Variants in NXPH1 observed in about 807,000 individuals in gnomAD.
NXPH1 encodes the protein neurexophilin-1.
Under a neutral mutation model 23.7 loss-of-function variants are expected in NXPH1, and 5 were observed. The ratio of observed to expected loss-of-function variants is 0.21; its 90% CI spans 0.11 to 0.44. NXPH1 has a LOEUF of 0.44. Among genes scored for constraint, NXPH1 ranks in the 20% least tolerant of loss-of-function variants. The pLI is 0.99. For synonymous variants in NXPH1, 144 were observed against 122.2 expected, an observed-to-expected ratio of 1.18 and a Z score of -1.18; for missense variants, 324 against 321.6, an observed-to-expected ratio of 1.01 and a Z score of -0.06.
At chr7:8,561,252 C>T (rs552160665) in intron 2 of NXPH1, among the ~76,000 whole-genome samples, 54 of 151,276 alleles carry the variant, frequency 3.6e-4, no homozygotes, top group Non-Finnish European at 6.2e-4. Context: ...GAGGGAGAAC[C>T]GCTCACAACT....
intron 2 of NXPH1, among the ~76,000 whole-genome samples, chr7:8,651,054 G>C (rs1362655573): frequency 2.4e-4 from 35 of 148,438 alleles, no homozygotes; most frequent in South Asian, 4.3e-4. Flanking sequence ...CATGTGCCAT[G>C]CTGGTGCGCT....
intron 2 of NXPH1, among the ~76,000 whole-genome samples, chr7:8,461,798 C>G (rs1356007067): frequency 5.1e-5 from 7 of 138,000 alleles, no homozygotes; most frequent in Admixed American, 1.5e-4. Context: ...CCACTGCAGT[C>G]CGCAGTCCGG....
At position 8,688,247 on chromosome 7, in the gene NXPH1, T is replaced by G. The variant is rs150036564; in HGVS notation, c.55-62761T>G. On this transcript the variant is annotated intron_variant, in intron 2 of 2. Coordinates refer to ENST00000405863, the MANE Select transcript of NXPH1 (RefSeq NM_152745.3). Reference sequence around the variant, plus strand: ...TAGGTAAGACTCATTATTCAGAAACTTGATAAACAGAAATATAAACTTTTT... The same window carrying G: ...TAGGTAAGACTCATTATTCAGAAACGTGATAAACAGAAATATAAACTTTTT... Among the ~76,000 whole-genome samples the G allele has an allele frequency of 5.2e-3, 791 of 152,230 alleles. 9 individuals are homozygous for G. The highest frequency in any genetic ancestry group is 0.018 in the African/African-American group (754 of 41,552).
intron 2 of NXPH1, among the ~76,000 whole-genome samples, chr7:8,702,039 GA>G (rs57766744): frequency 0.012 from 1,752 of 142,716 alleles, 21 homozygotes; most frequent in African/African-American, 0.036. Context: ...CCCAATTAAA[GA>G]AAAAAAAAAA....
At chr7:8,602,444 G>T (rs1819382496) in intron 2 of NXPH1, among the ~76,000 whole-genome samples, 1 of 152,110 alleles carries the variant, frequency 6.6e-6, no homozygotes. Context: ...TCTGACATAT[G>T]AATAGGTGCA....
chr7:8,493,076 T>C (rs73675730), intron 2 of NXPH1, among the ~76,000 whole-genome samples: 5,960 of 152,098 alleles, frequency 0.039, 368 homozygotes, highest in African/African-American at 0.13. Flanking sequence ...ATGTGATGAA[T>C]AATCCACTCT....
chr7:8,507,607 C>T lies in NXPH1; in HGVS notation c.54+71840C>T, dbSNP rs562177329. 7.2e-5 allele frequency among the ~76,000 whole-genome samples: 11 copies of T among 152,214 alleles called. No individual in the cohort carries two copies. In the East Asian group the frequency reaches 2.1e-3, roughly 30 times the overall value. ...AGGATTTTACCGTATTACATAGGTG[C>T]ACATGTTTCATAATCTTCTAAGTTT... On this transcript the variant is annotated intron_variant, in intron 2 of 2. Coordinates refer to ENST00000405863, the MANE Select transcript of NXPH1 (RefSeq NM_152745.3).
intron 2 of NXPH1, among the ~76,000 whole-genome samples, chr7:8,512,512 T>C (rs541354647): frequency 9.2e-5 from 14 of 152,102 alleles, no homozygotes; most frequent in Non-Finnish European, 1.8e-4. Context: ...AGGGGATATT[T>C]GAGAGGGTGA....
intron 2 of NXPH1, among the ~76,000 whole-genome samples, chr7:8,748,415 C>T (rs912110773): frequency 6.6e-6 from 1 of 152,224 alleles, no homozygotes; most frequent in Non-Finnish European, 1.5e-5. Flanking sequence ...CCCAAGACCA[C>T]TAATGGCCGT....
chr7:8,520,114 G>GA (rs543940248), intron 2 of NXPH1, among the ~76,000 whole-genome samples: 37 of 152,146 alleles, frequency 2.4e-4, no homozygotes, highest in African/African-American at 6.3e-4. Flanking sequence ...AATACGGATT[G>GA]AAAAAAACTC....
chr7:8,716,011 T>G (rs1779873102), intron 2 of NXPH1, among the ~76,000 whole-genome samples: 1 of 152,100 alleles, frequency 6.6e-6, no homozygotes, highest in Admixed American at 6.6e-5. Flanking sequence ...ATATGTATAT[T>G]TACAATGGTG....
intron 2 of NXPH1, among the ~76,000 whole-genome samples, chr7:8,545,611 T>G (rs1214097556): frequency 6.6e-6 from 1 of 151,528 alleles, no homozygotes; most frequent in Non-Finnish European, 1.5e-5. Flanking sequence ...AAATACTGTA[T>G]TTGCTCTTAG....
intron 2 of NXPH1, among the ~76,000 whole-genome samples, chr7:8,565,836 TG>T (rs1818535947): frequency 1.3e-5 from 2 of 151,826 alleles, no homozygotes; most frequent in Non-Finnish European, 2.9e-5. Context: ...CTATGATTCC[TG>T]GTGAATTTTA....
chr7:8,667,680 T>C (rs1820794913), intron 2 of NXPH1, among the ~76,000 whole-genome samples: 1 of 152,154 alleles, frequency 6.6e-6, no homozygotes, highest in South Asian at 2.1e-4. Context: ...TTATTTAGAT[T>C]GAATCTAATT....
intron 2 of NXPH1, among the ~76,000 whole-genome samples, chr7:8,582,497 T>C (rs956466415): frequency 3.9e-5 from 6 of 152,282 alleles, no homozygotes; most frequent in Middle Eastern, 3.4e-3. Flanking sequence ...AAGCAGGTTG[T>C]CCCGACGAGT....
At chr7:8,466,586 G>A (rs1343282278) in intron 2 of NXPH1, among the ~76,000 whole-genome samples, 1 of 152,072 alleles carries the variant, frequency 6.6e-6, no homozygotes. Flanking sequence ...GACTCGAAGG[G>A]ACATTGTAAA....
intron 2 of NXPH1, among the ~76,000 whole-genome samples, chr7:8,623,796 A>ATCTC (rs1819930723): frequency 6.6e-6 from 1 of 150,620 alleles, no homozygotes; most frequent in Non-Finnish European, 1.5e-5. Flanking sequence ...ATCTGTATCT[A>ATCTC]TATTTACATG....
Position 8,447,612 on chromosome 7 carries a change from T to C in NXPH1, c.54+11845T>C, listed in dbSNP as rs377102000. Among the ~76,000 whole-genome samples, 3 of 152,380 alleles carry C rather than the reference T, an allele frequency of 2.0e-5. 1 individual carries two copies. The highest frequency in any genetic ancestry group is 7.2e-5 in the African/African-American group (3 of 41,598). On this transcript the variant is annotated intron_variant, in intron 2 of 2. Coordinates refer to ENST00000405863, the MANE Select transcript of NXPH1 (RefSeq NM_152745.3). ...ATCAAATAAATGCAGATCTGGCATA[T>C]GAGCTGAGCTACCACTTTTGGATCT...
intron 2 of NXPH1, among the ~76,000 whole-genome samples, chr7:8,708,548 G>A (rs1025245431): frequency 3.3e-5 from 5 of 151,728 alleles, no homozygotes; most frequent in African/African-American, 1.2e-4. Flanking sequence ...TTTTAGTAGA[G>A]ATGGGGTTTC....
Sources: gnomAD v4.1 joint callset for allele counts (sites outside exome capture counted in the v4.1 genomes callset) on GRCh38, gnomAD v4.1.1 for gene constraint, MANE v1.5 for transcripts, NCBI Gene and HGNC (gene_info 2026-07-23, HGNC 2026-07-21) for gene names.